POLR1E: variants seen among roughly 807,000 people sequenced by gnomAD.
POLR1E encodes DNA-directed RNA polymerase I subunit RPA49.
In POLR1E, 37 loss-of-function variants were observed where a neutral mutation model predicts 50.9. The observed-to-expected ratio is 0.73, with a 90% CI of 0.56 to 0.96. The LOEUF is 0.96. Ranked by LOEUF, POLR1E falls within the 40% of genes least tolerant of loss-of-function variation. The pLI, the probability that POLR1E is intolerant of heterozygous loss-of-function variation, is 0.00. For missense variants in POLR1E, 426 were observed against 518.1 expected, an observed-to-expected ratio of 0.82 and a Z score of 1.73; for synonymous variants, 166 against 191.6, an observed-to-expected ratio of 0.87 and a Z score of 1.10.
chr9:37,489,309 AT>A lies in POLR1E; in HGVS notation c.258-4del. 1 of 1,584,490 alleles carries A rather than the reference AT, an allele frequency of 6.3e-7. No individual in the cohort carries two copies. Among genetic ancestry groups the A allele is most frequent in the Non-Finnish European group, 8.6e-7 (1 of 1,165,218 alleles). On this transcript the variant is annotated splice_polypyrimidine_tract_variant and splice_region_variant and intron_variant, in intron 3 of 11. Transcript: ENST00000377798. ...TTGTTATTTGTATTATTTCTTCTTTATTCAGGCACTTTGTGGGAATTTTGAA... is the reference window on the plus strand; with the variant it reads ...TTGTTATTTGTATTATTTCTTCTTTATCAGGCACTTTGTGGGAATTTTGAA...
At chr9:37,499,138 T>TA (rs1820833224) in intron 9 of POLR1E, among the ~76,000 whole-genome samples, 1 of 152,222 alleles carries the variant, frequency 6.6e-6, no homozygotes, top group African/African-American at 2.4e-5. Flanking sequence ...ATTATAATCT[T>TA]ACGGGACTGG....
At chr9:37,495,132 A>C (rs1270422667) in intron 6 of POLR1E, 37 bp from the exon 7 acceptor site, 2 of 1,532,328 alleles carry the variant, frequency 1.3e-6, no homozygotes, top group Non-Finnish European at 1.8e-6. Flanking sequence ...ACTGGAAACA[A>C]ACAGGGTGAT....
intron 6 of POLR1E, 38 bp downstream of exon 6, chr9:37,493,741 A>G: frequency 7.0e-7 from 1 of 1,428,050 alleles, no homozygotes; most frequent in Non-Finnish European, 9.3e-7. Flanking sequence ...TCTGCCCATA[A>G]TGACAGCTTT....
At chr9:37,499,879 C>T (rs2119018775) in intron 9 of POLR1E, among the ~76,000 whole-genome samples, 1 of 150,204 alleles carries the variant, frequency 6.7e-6, no homozygotes, top group South Asian at 2.1e-4. Context: ...GAGACAGAGT[C>T]TCGCTCTGTC....
chr9:37,486,414 G>C (rs1040663520), intron 1 of POLR1E: 20 of 1,526,882 alleles, frequency 1.3e-5, no homozygotes, highest in Middle Eastern at 1.7e-4. Context: ...TCTTCACTGG[G>C]CAGGGGTTCC....
rs1588807989 is a variant in POLR1E, at chr9:37,501,577, A to G, written c.969-136A>G. 24 of 1,084,890 alleles carry G rather than the reference A, an allele frequency of 2.2e-5. No homozygotes were observed. In the East Asian group the frequency reaches 6.0e-4, roughly 27 times the overall value. The allele number at this position is 1,084,890 out of a possible 1,614,324, so 67.2% of individuals were successfully genotyped here. On this transcript the variant is annotated intron_variant, in intron 10 of 11. Coordinates refer to ENST00000377798, the MANE Select transcript of POLR1E (RefSeq NM_022490.4). ...GAACCTTGGAAGGGCAAAGTCACCC[A>G]CATTCCTTTTCCTTTCCTGAAGTTG... is the stretch of plus-strand genomic sequence containing the variant.
Position 37,497,570 on chromosome 9 carries a change from T to A in POLR1E, c.753-521T>A, listed in dbSNP as rs147074615. On this transcript the variant is annotated intron_variant, in intron 8 of 11. Coordinates refer to ENST00000377798, the MANE Select transcript of POLR1E (RefSeq NM_022490.4). ...AAGTTTTATTGGAGCACAGCCCTGT[T>A]CATTTACGTAAGTAATATCTGTGCC... 3.6e-3 allele frequency among the ~76,000 whole-genome samples: 553 copies of A among 152,342 alleles called. 7 individuals are homozygous for A. The highest frequency in any genetic ancestry group is 0.012 in the African/African-American group (511 of 41,576).
rs541006286 is a variant in POLR1E at position 37,494,575 on chromosome 9, T to G, written c.548-594T>G. Among the ~76,000 whole-genome samples, 5 of 152,230 alleles carry G rather than the reference T, an allele frequency of 3.3e-5. No individual in the cohort carries two copies. The South Asian group carries it at 8.3e-4, about 25-fold the overall frequency. ...ACTTCAGCCTCCCAAGTGGCTGGGA[T>G]CACAGATGTGTGCCACCATGCTCAG... On this transcript the variant is annotated intron_variant, in intron 6 of 11. Transcript: ENST00000377798.
chr9:37,492,207 C>T (rs1820698118), intron 4 of POLR1E: 1 of 1,255,428 alleles, frequency 8.0e-7, no homozygotes, highest in African/African-American at 1.5e-5. Flanking sequence ...TTATACTGCC[C>T]TTATTTGAGT....
rs766608990 is a variant in POLR1E, at chr9:37,492,653, A to T, written c.344-4A>T. On this transcript the variant is annotated splice_region_variant and splice_polypyrimidine_tract_variant and intron_variant, in intron 4 of 11. Transcript: ENST00000377798. The stretch of plus-strand genomic sequence containing the variant: ...TTTCTCTCTGTTTTTGTGTGTTTTG[A>T]TAGATGTATCAGTTGAGAGTGAACT... 1 of 1,613,736 alleles carries T rather than the reference A, an allele frequency of 6.2e-7. No homozygotes were observed. Among genetic ancestry groups the T allele is most frequent in the Non-Finnish European group, 8.5e-7 (1 of 1,179,746 alleles).
Position 37,489,336 on chromosome 9 carries a change from C to T in POLR1E, c.279C>T (p.Asn93=), listed in dbSNP as rs76492332. ...TCAGGCACTTTGTGGGAATTTTGAA[C>T]AAGACCTCTGGCCAAATGGAAGTAT... The part of the protein sequence containing the change: ...TLCRHFVGIL[N]KTSGQMEVYD... The change falls in exon 4 of 12, where the codon AAC becomes AAT. Residue 93 remains asparagine (N), a synonymous_variant. Transcript: ENST00000377798. 404 of 1,599,304 alleles carry T rather than the reference C, an allele frequency of 2.5e-4. No homozygotes were observed. The African/African-American group carries it at 5.0e-3, about 20-fold the overall frequency.
rs750699084 is a variant in POLR1E at position 37,498,162 on chromosome 9, G to T, written c.824G>T (p.Arg275Leu). ...SDVESRDRQA[R>L]CIWFLDTLIK... ...GTGGAGAGCCGAGACCGCCAGGCCC[G>T]ATGCATATGGTTTCTGGATACCCTC... The change falls in exon 9 of 12, where the codon CGA (arginine) becomes CTA (leucine). Residue 275 changes from arginine to leucine, a missense_variant. By Grantham distance (102) the Arg-to-Leu change is moderately radical (BLOSUM62 -2). Transcript: ENST00000377798. The T allele has an allele frequency of 6.2e-7, 1 of 1,613,816 alleles. No individual in the cohort carries two copies. The highest frequency in any genetic ancestry group is 1.7e-5 in the Admixed American group (1 of 59,984).
At chr9:37,486,576 G>A (rs202114676) in intron 1 of POLR1E, 127 bp from the exon 2 acceptor site, 151 of 1,608,632 alleles carry the variant, frequency 9.4e-5, no homozygotes, top group Non-Finnish European at 1.2e-4. Flanking sequence ...TTTGGGTCAG[G>A]ACCCGAGCTT....
chr9:37,498,242 A>G lies in POLR1E; in HGVS notation c.886+18A>G. On this transcript the variant is annotated intron_variant, in intron 9 of 11. Coordinates refer to ENST00000377798, the MANE Select transcript of POLR1E (RefSeq NM_022490.4). ...GCGGAAAAGTAAGTCTATGATAAAC[A>G]TTTTATTCTAATTGTTTCCAGTATA... The G allele has an allele frequency of 6.2e-7, 1 of 1,601,028 alleles. No homozygotes were observed. Among genetic ancestry groups the G allele is most frequent in the Non-Finnish European group, 8.5e-7 (1 of 1,171,652 alleles).
intron 9 of POLR1E, among the ~76,000 whole-genome samples, chr9:37,499,234 C>T (rs1820834584): frequency 1.3e-5 from 2 of 152,094 alleles, no homozygotes; most frequent in African/African-American, 4.8e-5. Context: ...TTGAGACCAG[C>T]CTGGGCAACA....
chr9:37,487,797 A>C, intron 2 of POLR1E, 66 bp from the exon 3 acceptor site: 1 of 1,467,198 alleles, frequency 6.8e-7, no homozygotes. Flanking sequence ...AATGTAGAAA[A>C]GAGAAATGAT....
At chr9:37,499,729 A>G (rs1588806686) in intron 9 of POLR1E, among the ~76,000 whole-genome samples, 2 of 151,098 alleles carry the variant, frequency 1.3e-5, no homozygotes, top group African/African-American at 4.9e-5. Flanking sequence ...GGGTTTTTCC[A>G]TGTTGGCCAG....
At position 37,489,372 on chromosome 9, in the gene POLR1E, A is replaced by G. The variant is rs142466980; in HGVS notation, c.315A>G (p.Glu105=). 2.6e-5 allele frequency: 41 copies of G among 1,598,422 alleles called. No homozygotes were observed. The African/African-American group carries it at 3.1e-4, about 12-fold the overall frequency. ...GCCAAATGGAAGTATATGATGCTGA[A>G]TTGTTCAACATGCAGCCACTATTTT... ...TSGQMEVYDA[E]LFNMQPLFSD... The change falls in exon 4 of 12, where the codon GAA becomes GAG. Residue 105 remains glutamate, a synonymous_variant. Transcript: ENST00000377798.
intron 4 of POLR1E, among the ~76,000 whole-genome samples, chr9:37,492,085 G>GTTT (rs553505657): frequency 1.4e-5 from 2 of 145,648 alleles, no homozygotes; most frequent in African/African-American, 4.9e-5. Context: ...AAGTACTGTT[G>GTTT]TTCTTTTTTT....
Sources: gnomAD v4.1 joint callset for allele counts (sites outside exome capture counted in the v4.1 genomes callset) on GRCh38, gnomAD v4.1.1 for gene constraint, MANE v1.5 for transcripts, NCBI Gene and HGNC (gene_info 2026-07-23, HGNC 2026-07-21) for gene names.